MGAM2: variants seen among roughly 807,000 people sequenced by gnomAD.
MGAM2 encodes probable maltase-glucoamylase 2.
Under a neutral mutation model 96.1 loss-of-function variants are expected in MGAM2, and 98 were observed. The ratio of observed to expected loss-of-function variants is 1.02; its 90% CI spans 0.87 to 1.21. The LOEUF is 1.21. Ranked by LOEUF, MGAM2 falls within the 50% of genes most tolerant of loss-of-function variation. MGAM2 has a pLI of 0.00. For missense variants in MGAM2, 2,055 were observed against 1,182.4 expected (o/e 1.74, Z -10.82); for synonymous variants, 749 against 414.8 (o/e 1.81, Z -9.79).
At chr7:142,213,084 A>G (rs1030362263) in intron 46 of MGAM2, among the ~76,000 whole-genome samples, 4 of 152,226 alleles carry the variant, frequency 2.6e-5, no homozygotes. Flanking sequence ...CTGGATGACT[A>G]CTGAGTAAAT....
In MGAM2 at chr7:142,219,870, A is replaced by T. The variant is rs1797866150; in HGVS notation, c.5359A>T (p.Ile1787Leu). 1.4e-6 allele frequency: 1 copy of T among 696,882 alleles called. No individual in the cohort carries two copies. Among genetic ancestry groups the T allele is most frequent in the Non-Finnish European group, 2.6e-6 (1 of 381,466 alleles). The allele number at this position is 696,882 out of a possible 1,614,324, so 43.2% of individuals were successfully genotyped here. The change falls in exon 48 of 48, where the codon ATA becomes TTA. Residue 1787 changes from isoleucine to leucine, a missense_variant and splice_region_variant. Ile to Leu is a conservative substitution (Grantham distance 5). Transcript: ENST00000477922. The part of the protein sequence containing the change: ...TNFKSEPYNQ[I>L]LTIQLTDKTI... Reference sequence around the variant, plus strand: ...ATTTATATCTCTTCTTTTCTGGCAGATACTAACTATTCAATTGACTGACAA... The same window carrying T: ...ATTTATATCTCTTCTTTTCTGGCAGTTACTAACTATTCAATTGACTGACAA...
At chr7:142,113,419 C>G (rs958818951) in intron 1 of MGAM2, among the ~76,000 whole-genome samples, 1 of 152,110 alleles carries the variant, frequency 6.6e-6, no homozygotes, top group African/African-American at 2.4e-5. Flanking sequence ...CCTGTTTGTG[C>G]TGGTCACTTG....
At chr7:142,194,696 ATGTGTGTGTGTG>A (rs72262078) in intron 37 of MGAM2, among the ~76,000 whole-genome samples, 8 of 138,364 alleles carry the variant, frequency 5.8e-5, no homozygotes, top group South Asian at 2.2e-4. Context: ...ACATGTGTGT[ATGTGTGTGTGTG>A]TGTGTGTGTG....
At chr7:142,121,264 G>A (rs1033517244) in intron 3 of MGAM2, among the ~76,000 whole-genome samples, 2 of 152,000 alleles carry the variant, frequency 1.3e-5, no homozygotes, top group Non-Finnish European at 2.9e-5. Context: ...TGCAACCTCT[G>A]CCTCCCAGGT....
intron 15 of MGAM2, among the ~76,000 whole-genome samples, chr7:142,153,620 C>T (rs1371993418): frequency 6.6e-6 from 1 of 152,092 alleles, no homozygotes; most frequent in Non-Finnish European, 1.5e-5. Flanking sequence ...CTGTGCTGTA[C>T]AGGATTATGC....
intron 37 of MGAM2, among the ~76,000 whole-genome samples, chr7:142,189,996 A>G (rs1796820013): frequency 6.6e-6 from 1 of 152,146 alleles, no homozygotes. Flanking sequence ...TCAGTACTTG[A>G]TTTCTTTTGA....
intron 23 of MGAM2, among the ~76,000 whole-genome samples, 167 bp downstream of exon 23, chr7:142,162,171 G>C (rs1403041105): frequency 6.6e-6 from 1 of 152,002 alleles, no homozygotes; most frequent in Non-Finnish European, 1.5e-5. Flanking sequence ...TGTGTGTCAG[G>C]CTTATAAGCT....
At chr7:142,120,684 G>T (rs1794543299) in intron 3 of MGAM2, among the ~76,000 whole-genome samples, 1 of 152,142 alleles carries the variant, frequency 6.6e-6, no homozygotes, top group South Asian at 2.1e-4. Flanking sequence ...GTGGTAGAAA[G>T]GTTAAATGTT....
chr7:142,137,500 A>T lies in MGAM2; in HGVS notation c.915A>T (p.Val305=), dbSNP rs1462320051. 4 of 702,016 alleles carry T rather than the reference A, an allele frequency of 5.7e-6. No individual in the cohort carries two copies. The highest frequency in any genetic ancestry group is 1.0e-5 in the Non-Finnish European group (4 of 384,474). The allele number at this position is 702,016 out of a possible 1,614,324, so 43.5% of individuals were successfully genotyped here. ...RTIGGILDFY[V]FLGNTPEQVV... is the part of the protein sequence containing the mutation. Reference sequence around the variant, plus strand: ...TTGGAGGCATTCTTGACTTTTACGTATTCCTAGGAAACACTCCAGAACAAG... The same window carrying T: ...TTGGAGGCATTCTTGACTTTTACGTTTTCCTAGGAAACACTCCAGAACAAG... Residue 305 remains valine (V), a synonymous_variant, in exon 9 of 48, where the codon GTA becomes GTT. Coordinates refer to ENST00000477922, the MANE Select transcript of MGAM2 (RefSeq NM_001293626.2).
intron 10 of MGAM2, among the ~76,000 whole-genome samples, chr7:142,140,384 A>C (rs1202325687): frequency 6.6e-6 from 1 of 152,202 alleles, no homozygotes; most frequent in Non-Finnish European, 1.5e-5. Context: ...TTCGTAGGGC[A>C]AAAGATCATT....
At chr7:142,179,451 G>A (rs983859055) in intron 32 of MGAM2, among the ~76,000 whole-genome samples, 2 of 152,178 alleles carry the variant, frequency 1.3e-5, no homozygotes, top group Non-Finnish European at 2.9e-5. Flanking sequence ...CAAGAAGAAT[G>A]CTTCCAGCTT....
intron 32 of MGAM2, 91 bp from the exon 33 acceptor site, chr7:142,183,175 C>T: frequency 1.6e-6 from 1 of 608,048 alleles, no homozygotes; most frequent in Non-Finnish European, 2.9e-6. Context: ...TTCACCATTT[C>T]CTTCTGCACT....
rs1254684536 is a variant in MGAM2 at position 142,166,364 on chromosome 7, C to T, written c.2808+111C>T. 4 of 565,850 alleles carry T rather than the reference C, an allele frequency of 7.1e-6. No individual in the cohort carries two copies. In the South Asian group the frequency reaches 9.8e-5, roughly 14 times the overall value. The allele number at this position is 565,850 out of a possible 1,614,324, so 35.1% of individuals were successfully genotyped here. Reference sequence around the variant, plus strand: ...AAAACCAGGACCCTGTGCAACACGCCTTTTGCCAACTCTACATGATAGGTC... The same window carrying T: ...AAAACCAGGACCCTGTGCAACACGCTTTTTGCCAACTCTACATGATAGGTC... On this transcript the variant is annotated intron_variant, in intron 25 of 47. Transcript: ENST00000477922.
intron 1 of MGAM2, among the ~76,000 whole-genome samples, chr7:142,112,494 G>T (rs1474900453): frequency 6.6e-6 from 1 of 152,166 alleles, no homozygotes; most frequent in Non-Finnish European, 1.5e-5. Context: ...CTGTGGTATT[G>T]AGTTGTGGGC....
chr7:142,219,980 C>G lies in MGAM2; in HGVS notation c.5469C>G (p.Ile1823Met), dbSNP rs781631707. The G allele has an allele frequency of 3.4e-5, 24 of 702,778 alleles. No homozygotes were observed. The highest frequency in any genetic ancestry group is 5.7e-5 in the Non-Finnish European group (22 of 384,946). 43.5% of individuals were successfully genotyped at this position (702,778 alleles called of 1,614,324 possible). The change falls in exon 48 of 48, where the codon ATC becomes ATG. Residue 1823 changes from isoleucine (I) to methionine (M), a missense_variant. Transcript: ENST00000477922. ...VLPTPTKTST[I>M]PMSSHPSPST... ...CTACTCCAACTAAGACAAGTACCAT[C>G]CCAATGAGTTCTCATCCTTCTCCAT...
chr7:142,192,550 G>C (rs1213189462), intron 37 of MGAM2, among the ~76,000 whole-genome samples: 1 of 152,194 alleles, frequency 6.6e-6, no homozygotes, highest in African/African-American at 2.4e-5. Flanking sequence ...AAGAAGTGAT[G>C]TTTGAATGTT....
At chr7:142,183,470 A>G (rs79598920) in intron 33 of MGAM2, 97 bp downstream of exon 33, 1 of 633,968 alleles carries the variant, frequency 1.6e-6, no homozygotes, top group South Asian at 1.8e-5. Flanking sequence ...TGGACAATCA[A>G]TAAATTATGA....
intron 3 of MGAM2, among the ~76,000 whole-genome samples, chr7:142,127,793 A>G (rs755069048): frequency 1.3e-5 from 2 of 152,126 alleles, no homozygotes; most frequent in African/African-American, 4.8e-5. Context: ...GCCATGTGGA[A>G]CTGTGAGTCC....
Position 142,164,928 on chromosome 7 carries a change from A to G in MGAM2, c.2557A>G (p.Ile853Val), listed in dbSNP as rs1795987573. 1.4e-6 allele frequency: 1 copy of G among 702,694 alleles called. No homozygotes were observed. The highest frequency in any genetic ancestry group is 1.5e-5 in the South Asian group (1 of 67,580). The allele number at this position is 702,694 out of a possible 1,614,324, so 43.5% of individuals were successfully genotyped here. ...TDNLMFTDIT[I>V]LGMDKQPANF... ...CAACCTCATGTTCACAGATATCACA[A>G]TCTTGGGAATGGACAAACAGCCAGC... Residue 853 changes from isoleucine to valine, a missense_variant, in exon 24 of 48, where the codon ATC (isoleucine) becomes GTC (valine). Physicochemically the swap from Ile to Val is conservative, Grantham distance 29. Coordinates refer to ENST00000477922, the MANE Select transcript of MGAM2 (RefSeq NM_001293626.2).
Sources: gnomAD v4.1 joint callset for allele counts (sites outside exome capture counted in the v4.1 genomes callset) on GRCh38, gnomAD v4.1.1 for gene constraint, MANE v1.5 for transcripts, NCBI Gene and HGNC (gene_info 2026-07-23, HGNC 2026-07-21) for gene names.